SORCS1: variants seen among roughly 807,000 people sequenced by gnomAD.
SORCS1 encodes the protein sortilin related VPS10 domain containing receptor 1.
Under a neutral mutation model 146.1 loss-of-function variants are expected in SORCS1, and 60 were observed. That is an observed-to-expected ratio of 0.41 (90% CI 0.33 to 0.51). The LOEUF (loss-of-function observed/expected upper bound fraction) is 0.51. Among genes scored for constraint, SORCS1 ranks in the 20% least tolerant of loss-of-function variants. The pLI, the probability that SORCS1 is intolerant of heterozygous loss-of-function variation, is 0.21. For synonymous variants in SORCS1, 637 were observed against 584.0 expected (o/e 1.09, Z -1.31); for missense variants, 1,352 against 1,487.6 (o/e 0.91, Z 1.50).
At chr10:107,114,908 C>A (rs950845339) in intron 1 of SORCS1, among the ~76,000 whole-genome samples, 2 of 152,062 alleles carry the variant, frequency 1.3e-5, no homozygotes, top group African/African-American at 4.8e-5. Flanking sequence ...AGTAAAGTTA[C>A]AGGAAATAAT....
At chr10:106,994,606 A>T (rs1187127026) in intron 1 of SORCS1, among the ~76,000 whole-genome samples, 2 of 152,374 alleles carry the variant, frequency 1.3e-5, no homozygotes, top group East Asian at 3.9e-4. Context: ...TATTTCAGAC[A>T]GAAGTATATG....
rs752958491 is a variant in SORCS1, at chr10:106,688,248, G to T, written c.1504C>A (p.Arg502Ser). Residue 502 changes from arginine (R) to serine (S), a missense_variant, in exon 10 of 26, where the codon CGT becomes AGT. Arg to Ser is a moderately radical substitution (Grantham distance 110). This residue lies in a region of SORCS1 where 648 missense variants were observed against 793.8 expected (regional missense o/e 0.82). Transcript: ENST00000263054. Reference protein sequence around the residue: ...FITYNKGRDWRLLQAPDTDLR... With the variant: ...FITYNKGRDWSLLQAPDTDLR... ...TCCGTGTCCGGCGCCTGCAGCAAAC[G>T]CCAGTCTCTGCCTTTGTTATATGTG... 1.2e-6 allele frequency: 2 copies of T among 1,613,910 alleles called. No individual in the cohort carries two copies. Among genetic ancestry groups the T allele is most frequent in the Middle Eastern group, 1.6e-4 (1 of 6,078 alleles).
At chr10:106,926,544 T>C (rs1438732430) in intron 2 of SORCS1, among the ~76,000 whole-genome samples, 5 of 152,162 alleles carry the variant, frequency 3.3e-5, no homozygotes, top group African/African-American at 1.2e-4. Context: ...ATTGAACATT[T>C]ACTATTATTA....
At chr10:106,760,442 CAAAAAAAAAAAA>C (rs34324078) in intron 5 of SORCS1, among the ~76,000 whole-genome samples, 4 of 45,804 alleles carry the variant, frequency 8.7e-5, no homozygotes, top group Non-Finnish European at 1.5e-4. Flanking sequence ...GACTCCGTCT[CAAAAAAAAAAAA>C]AAAAAAAAAA....
chr10:106,801,256 C>T (rs1564673487), intron 3 of SORCS1, among the ~76,000 whole-genome samples: 1 of 151,608 alleles, frequency 6.6e-6, no homozygotes, highest in Admixed American at 6.6e-5. Flanking sequence ...AGAGAATAAA[C>T]AGAAAGAAGA....
upstream of SORCS1, among the ~76,000 whole-genome samples, chr10:107,167,911 C>T (rs1565130142): frequency 6.6e-6 from 1 of 151,970 alleles, no homozygotes; most frequent in East Asian, 1.9e-4. Context: ...GATTGGTGTG[C>T]ACAATCAAAA....
intron 2 of SORCS1, among the ~76,000 whole-genome samples, chr10:106,856,456 G>C (rs775337558): frequency 1.3e-5 from 2 of 152,200 alleles, no homozygotes; most frequent in Non-Finnish European, 2.9e-5. Context: ...ATAGCTAGAG[G>C]AAGTTGCAGT....
chr10:107,158,575 G>A (rs969507963), intron 1 of SORCS1, among the ~76,000 whole-genome samples: 1 of 152,176 alleles, frequency 6.6e-6, no homozygotes, highest in Non-Finnish European at 1.5e-5. Flanking sequence ...AGCATGTTCT[G>A]TCCTCAGAGA....
At chr10:106,896,847 C>G (rs1390271458) in intron 2 of SORCS1, among the ~76,000 whole-genome samples, 3 of 150,874 alleles carry the variant, frequency 2.0e-5, no homozygotes, top group East Asian at 3.9e-4. Context: ...GATGTTCTGA[C>G]ACATTACTCA....
At chr10:107,145,815 TAGAG>T (rs748343353) in intron 1 of SORCS1, among the ~76,000 whole-genome samples, 7 of 152,136 alleles carry the variant, frequency 4.6e-5, no homozygotes, top group Non-Finnish European at 1.0e-4. Context: ...AACTTTTAAA[TAGAG>T]AGAAGCATTT....
intron 1 of SORCS1, among the ~76,000 whole-genome samples, chr10:107,114,347 T>G (rs1284010414): frequency 6.6e-6 from 1 of 152,086 alleles, no homozygotes; most frequent in Non-Finnish European, 1.5e-5. Context: ...CCAGAAACCT[T>G]GATGAACAAA....
At chr10:107,175,435 T>C in the SORCS1 span, among the ~76,000 whole-genome samples, 2 of 152,218 alleles carry the variant, frequency 1.3e-5, no homozygotes, top group South Asian at 4.1e-4. Flanking sequence ...TATTTAGATT[T>C]CTTTCTTTCT....
intron 3 of SORCS1, among the ~76,000 whole-genome samples, chr10:106,815,586 C>G (rs1389770232): frequency 6.6e-6 from 1 of 152,122 alleles, no homozygotes; most frequent in Non-Finnish European, 1.5e-5. Context: ...AGAATGCTGA[C>G]TTGGGTCTCC....
intron 2 of SORCS1, among the ~76,000 whole-genome samples, chr10:106,835,058 T>A (rs563734721): frequency 6.6e-6 from 1 of 152,358 alleles, no homozygotes; most frequent in South Asian, 2.1e-4. Context: ...AAGTATTTAC[T>A]GTATACACAG....
chr10:106,887,140 T>A (rs1951031643), intron 2 of SORCS1, among the ~76,000 whole-genome samples: 1 of 150,938 alleles, frequency 6.6e-6, no homozygotes, highest in Non-Finnish European at 1.5e-5. Flanking sequence ...TTATCACTAA[T>A]TAATATTAAT....
At chr10:107,024,110 G>A (rs1958278151) in intron 1 of SORCS1, among the ~76,000 whole-genome samples, 1 of 150,822 alleles carries the variant, frequency 6.6e-6, no homozygotes, top group Admixed American at 6.6e-5. Flanking sequence ...GGAGGTGGAG[G>A]TTGCAGTGAG....
At chr10:106,920,244 CTG>C (rs1364514142) in intron 2 of SORCS1, among the ~76,000 whole-genome samples, 2 of 152,192 alleles carry the variant, frequency 1.3e-5, no homozygotes, top group Non-Finnish European at 2.9e-5. Context: ...AAACCTATGT[CTG>C]TAACCACAGT....
At chr10:106,832,847 G>C (rs1948613356) in intron 2 of SORCS1, among the ~76,000 whole-genome samples, 1 of 152,142 alleles carries the variant, frequency 6.6e-6, no homozygotes, top group African/African-American at 2.4e-5. Context: ...GTAGGAACTA[G>C]TCTATAGAGA....
rs1037831238 is a variant in SORCS1, at chr10:106,664,211, T to C, written c.2303+3478A>G. ...ACAACTGCATTGACCAACATTTATA[T>C]ACCTGGATGCTTATTGCTAAGTCAC... On this transcript the variant is annotated intron_variant, in intron 17 of 25. Coordinates refer to ENST00000263054, the MANE Select transcript of SORCS1 (RefSeq NM_052918.5). Among the ~76,000 whole-genome samples, 3 of 152,250 alleles carry C rather than the reference T, an allele frequency of 2.0e-5. No homozygotes were observed. The East Asian group carries it at 5.8e-4, about 29-fold the overall frequency.
Sources: gnomAD v4.1 joint callset for allele counts (sites outside exome capture counted in the v4.1 genomes callset) on GRCh38, gnomAD v4.1.1 for gene constraint, gnomAD v4.1.1 regional missense constraint, MANE v1.5 for transcripts, NCBI Gene and HGNC (gene_info 2026-07-23, HGNC 2026-07-21) for gene names.